PDE1C: variants seen among roughly 807,000 people sequenced by gnomAD.
The protein encoded by PDE1C is phosphodiesterase 1C.
A neutral mutation model predicts 93.1 loss-of-function variants in PDE1C; 62 were observed. The observed-to-expected ratio is 0.67, with a 90% CI of 0.54 to 0.82. The LOEUF (loss-of-function observed/expected upper bound fraction) is 0.82. PDE1C is among the 40% of genes least tolerant of loss of function. The probability of loss-of-function intolerance (pLI) is 0.00; values close to 1 mark genes in which losing one functional copy is unlikely to be tolerated. For synonymous variants in PDE1C, 325 were observed against 310.1 expected (o/e 1.05, Z -0.50); for missense variants, 742 against 884.6 (o/e 0.84, Z 2.04).
chr7:31,661,894 T>C, the PDE1C span, among the ~76,000 whole-genome samples: 1 of 152,144 alleles, frequency 6.6e-6, no homozygotes, highest in Admixed American at 6.5e-5. Flanking sequence ...TCTTTTTCCA[T>C]TTTTCCTGAG....
At position 31,837,889 on chromosome 7, in the gene PDE1C, C is replaced by A. The variant is rs543029662; in HGVS notation, c.1063G>T (p.Ala355Ser). The change falls in exon 10 of 18, where the codon GCT (alanine) becomes TCT (serine). Residue 355 changes from alanine to serine, a missense_variant. This residue lies in a region of PDE1C where 454 missense variants were observed against 459.4 expected (regional missense o/e 0.99). Transcript: ENST00000396191. ...ACTTACGCTTCTGGCTGCTGCAGAG[C>A]AGTCTTCATTGCTTTGATTTGTTGG... is the stretch of plus-strand genomic sequence containing the variant. ...HFQQIKAMKTALQQPEAIEKP... is the reference protein window; with the variant it reads ...HFQQIKAMKTSLQQPEAIEKP... 1.2e-6 allele frequency: 2 copies of A among 1,612,742 alleles called. No individual in the cohort carries two copies. Among genetic ancestry groups the A allele is most frequent in the South Asian group, 2.2e-5 (2 of 91,066 alleles).
intron 1 of PDE1C, among the ~76,000 whole-genome samples, chr7:32,331,205 C>G (rs1342799551): frequency 6.6e-6 from 1 of 152,172 alleles, no homozygotes; most frequent in African/African-American, 2.4e-5. Flanking sequence ...GTGAGAAGCT[C>G]CATCCTCAGA....
intron 2 of PDE1C, among the ~76,000 whole-genome samples, chr7:32,028,260 T>C (rs1371599289): frequency 6.6e-6 from 1 of 152,166 alleles, no homozygotes; most frequent in Non-Finnish European, 1.5e-5. Context: ...GGTTACCATA[T>C]TGAACAGCAG....
the PDE1C span, among the ~76,000 whole-genome samples, chr7:31,740,370 G>A: frequency 6.6e-6 from 1 of 152,146 alleles, no homozygotes. Context: ...ATGCAGACAG[G>A]CACATATAGA....
intron 2 of PDE1C, among the ~76,000 whole-genome samples, chr7:31,956,132 C>T (rs942538462): frequency 5.9e-5 from 9 of 151,978 alleles, no homozygotes; most frequent in African/African-American, 1.7e-4. Context: ...GAGACAGAGT[C>T]GCCCAGGCTG....
intron 16 of PDE1C, among the ~76,000 whole-genome samples, chr7:31,797,670 G>A (rs1275686025): frequency 6.6e-6 from 1 of 151,652 alleles, no homozygotes. Flanking sequence ...CACATCACAT[G>A]ATCTGGGCAC....
chr7:32,215,205 T>C (rs6971553), intron 1 of PDE1C, among the ~76,000 whole-genome samples: 150,713 of 152,224 alleles, frequency 0.99, 74,624 homozygotes, highest in Middle Eastern at 1. Context: ...ATCAGATCAA[T>C]GGCGGCATTA....
intron 12 of PDE1C, among the ~76,000 whole-genome samples, chr7:31,825,910 A>G (rs1023855726): frequency 6.6e-6 from 1 of 151,962 alleles, no homozygotes; most frequent in African/African-American, 2.4e-5. Flanking sequence ...ACAGGGGGGC[A>G]CATCTAGATG....
the PDE1C span, among the ~76,000 whole-genome samples, chr7:31,674,884 G>A: frequency 6.6e-6 from 1 of 152,150 alleles, no homozygotes; most frequent in South Asian, 2.1e-4. Context: ...TGTCACAAAA[G>A]ATCAAAAATC....
At chr7:31,785,537 A>G (rs1783836755) in intron 16 of PDE1C, 1 of 152,204 alleles carries the variant, frequency 6.6e-6, no homozygotes, top group Non-Finnish European at 1.5e-5. Context: ...CTTGACCATC[A>G]TACATCTTTC....
chr7:32,005,320 GC>G (rs138862744), intron 2 of PDE1C, among the ~76,000 whole-genome samples: 6,662 of 151,994 alleles, frequency 0.044, 526 homozygotes, highest in African/African-American at 0.15. Context: ...ATTTTGGGAG[GC>G]CGAGGCAGGC....
chr7:31,901,081 G>A (rs910237481), intron 2 of PDE1C, among the ~76,000 whole-genome samples: 1 of 149,344 alleles, frequency 6.7e-6, no homozygotes, highest in Non-Finnish European at 1.5e-5. Context: ...AACAATAAAA[G>A]GATTCTATTA....
chr7:31,809,739 T>C (rs903513140), intron 15 of PDE1C, among the ~76,000 whole-genome samples: 1 of 152,060 alleles, frequency 6.6e-6, no homozygotes, highest in Non-Finnish European at 1.5e-5. Flanking sequence ...GAAAATATAT[T>C]TGCTAAGTTA....
the PDE1C span, among the ~76,000 whole-genome samples, chr7:31,732,636 T>TTGTGTGTG: frequency 0.038 from 3,910 of 103,064 alleles, 141 homozygotes; most frequent in East Asian, 0.15. Flanking sequence ...TCTCCTCTCT[T>TTGTGTGTG]TCTGTGTGTG....
intron 2 of PDE1C, among the ~76,000 whole-genome samples, chr7:31,956,276 T>G (rs1376772201): frequency 6.6e-6 from 1 of 151,984 alleles, no homozygotes; most frequent in Non-Finnish European, 1.5e-5. Context: ...GTATTTTTAG[T>G]AGAGATGGGG....
Position 32,266,827 on chromosome 7 carries a change from C to A in PDE1C, c.85+31824G>T, listed in dbSNP as rs145184440. 3.7e-3 allele frequency among the ~76,000 whole-genome samples: 554 copies of A among 150,634 alleles called. 7 individuals are homozygous for A. The highest frequency in any genetic ancestry group is 1.9e-3 in the Admixed American group (28 of 15,128). On this transcript the variant is annotated intron_variant, in intron 1 of 18. Transcript: ENST00000396193. ...ATGAGCTCCAACAAGAGTGTCTTAGCCTCGGTCCTCAGATGCCAAGATGGG... is the reference window on the plus strand; with the variant it reads ...ATGAGCTCCAACAAGAGTGTCTTAGACTCGGTCCTCAGATGCCAAGATGGG...
upstream of PDE1C, chr7:32,299,440 A>T: frequency 2.0e-6 from 2 of 984,474 alleles, no homozygotes; most frequent in Non-Finnish European, 2.4e-6. Context: ...TGTCAAAGTC[A>T]CCGGAGGCTC....
At position 31,753,523 on chromosome 7, in the gene PDE1C, C is replaced by A. The variant is rs757675060; in HGVS notation, c.1991G>T (p.Arg664Leu). The change falls in exon 18 of 18, where the codon CGC becomes CTC. Residue 664 changes from arginine to leucine, a missense_variant. Coordinates refer to ENST00000396191, the MANE Select transcript of PDE1C (RefSeq NM_001191057.4). The part of the protein sequence containing the change: ...VIKPPLRHFK[R>L]PAYASSSYAP... ...ATAGGAGCTAGATGCGTAAGCAGGG[C>A]GTTTAAAATGACGCAAAGGAGGCTT... is the stretch of plus-strand genomic sequence containing the variant. 5.0e-6 allele frequency: 8 copies of A among 1,610,894 alleles called. No individual in the cohort carries two copies. Among genetic ancestry groups the A allele is most frequent in the Non-Finnish European group, 5.9e-6 (7 of 1,179,054 alleles).
chr7:32,350,547 AAT>A (rs1180195472), intron 1 of PDE1C, among the ~76,000 whole-genome samples: 3 of 41,044 alleles, frequency 7.3e-5, no homozygotes, highest in African/African-American at 3.5e-4. Context: ...GCATTTGACT[AAT>A]ATATATATAT....
Sources: gnomAD v4.1 joint callset for allele counts (sites outside exome capture counted in the v4.1 genomes callset) on GRCh38, gnomAD v4.1.1 for gene constraint, gnomAD v4.1.1 regional missense constraint, MANE v1.5 for transcripts, NCBI Gene and HGNC (gene_info 2026-07-23, HGNC 2026-07-21) for gene names.